VWA8: variants seen among roughly 807,000 people sequenced by gnomAD.
VWA8 encodes von Willebrand factor A domain-containing protein 8.
VWA8 carries 221 observed loss-of-function variants against 241.5 expected under a neutral mutation model. The observed-to-expected ratio is 0.91, with a 90% CI of 0.82 to 1.02. The LOEUF (loss-of-function observed/expected upper bound fraction) is 1.02. Ranked by LOEUF, VWA8 falls within the 50% of genes least tolerant of loss-of-function variation. VWA8 has a pLI of 0.00. For synonymous variants in VWA8, 852 were observed against 827.1 expected (o/e 1.03, Z -0.52); for missense variants, 2,322 against 2,328.7 (o/e 1.00, Z 0.06).
chr13:41,933,979 T>C (rs1877239621), intron 2 of VWA8, among the ~76,000 whole-genome samples: 1 of 151,816 alleles, frequency 6.6e-6, no homozygotes, highest in African/African-American at 2.4e-5. Context: ...TTGGACTTCA[T>C]TAAAATTTAA....
intron 12 of VWA8, among the ~76,000 whole-genome samples, chr13:41,840,105 T>G (rs1871928040): frequency 6.6e-6 from 1 of 152,204 alleles, no homozygotes; most frequent in Non-Finnish European, 1.5e-5. Context: ...TAAGTTGTAT[T>G]CCTAAGTATT....
At chr13:41,747,011 T>C (rs1035634258) in intron 21 of VWA8, among the ~76,000 whole-genome samples, 3 of 152,324 alleles carry the variant, frequency 2.0e-5, no homozygotes, top group Admixed American at 6.5e-5. Context: ...CCTTGTAATA[T>C]AGTTTGAAGT....
chr13:41,849,971 A>G (rs1480003977), intron 12 of VWA8, among the ~76,000 whole-genome samples: 1 of 152,150 alleles, frequency 6.6e-6, no homozygotes. Flanking sequence ...TACCAGCAGG[A>G]CTATGACTTC....
chr13:41,949,031 T>TAAAAAAAAA (rs35506856), intron 2 of VWA8, among the ~76,000 whole-genome samples: 41 of 63,404 alleles, frequency 6.5e-4, no homozygotes, highest in Non-Finnish European at 8.6e-4. Context: ...TCTACCATCA[T>TAAAAAAAAA]AAAAAAAAAA....
chr13:41,795,457 A>G (rs914247915), intron 17 of VWA8, among the ~76,000 whole-genome samples: 2 of 152,202 alleles, frequency 1.3e-5, no homozygotes, highest in Non-Finnish European at 2.9e-5. Context: ...TACATGCCCA[A>G]AGGAATATAA....
intron 26 of VWA8, among the ~76,000 whole-genome samples, chr13:41,712,883 C>T (rs767022983): frequency 2.0e-5 from 3 of 152,134 alleles, no homozygotes; most frequent in Non-Finnish European, 4.4e-5. Flanking sequence ...TTGTAAAGTG[C>T]TTAGAGCACT....
intron 21 of VWA8, among the ~76,000 whole-genome samples, chr13:41,742,613 C>T (rs552702309): frequency 2.0e-5 from 3 of 152,276 alleles, no homozygotes; most frequent in African/African-American, 7.2e-5. Context: ...ATGCAAAACC[C>T]TTTTTGTTCT....
intron 9 of VWA8, among the ~76,000 whole-genome samples, chr13:41,872,404 T>TA (rs548314938): frequency 1.1e-3 from 169 of 152,378 alleles, no homozygotes; most frequent in African/African-American, 3.8e-3. Context: ...TGAATGGTAA[T>TA]GCCTACGTTT....
chr13:41,921,200 C>T (rs997104507), intron 2 of VWA8, among the ~76,000 whole-genome samples: 2 of 152,152 alleles, frequency 1.3e-5, no homozygotes, highest in African/African-American at 4.8e-5. Context: ...ATGATTATCT[C>T]AATAGATGCA....
chr13:41,818,396 A>T (rs1593792570), intron 15 of VWA8, among the ~76,000 whole-genome samples: 1 of 146,754 alleles, frequency 6.8e-6, no homozygotes, highest in Admixed American at 6.8e-5. Context: ...ACATGGTGAA[A>T]CCCCGTCTCT....
chr13:41,729,919 T>A (rs1299179935), intron 22 of VWA8, among the ~76,000 whole-genome samples: 3 of 151,558 alleles, frequency 2.0e-5, no homozygotes, highest in Non-Finnish European at 4.4e-5. Context: ...AACTCTACAG[T>A]TATCTTTTTA....
chr13:41,956,058 A>G (rs568238475), intron 1 of VWA8, among the ~76,000 whole-genome samples: 8 of 152,360 alleles, frequency 5.3e-5, no homozygotes, highest in African/African-American at 1.7e-4. Flanking sequence ...TAGTGAGTCT[A>G]AAGTTTCTAA....
chr13:41,570,416 C>T (rs1796995292), intron 44 of VWA8, 52 bp downstream of exon 44: 2 of 1,502,936 alleles, frequency 1.3e-6, no homozygotes, highest in East Asian at 2.3e-5. Context: ...CATGTGTTAG[C>T]TACTCAGTAT....
chr13:41,675,404 C>G (rs2045053893), intron 35 of VWA8, 108 bp from the exon 36 acceptor site: 1 of 717,632 alleles, frequency 1.4e-6, no homozygotes, highest in East Asian at 2.8e-5. Context: ...ACGCTGGGAT[C>G]TACTTGACAA....
chr13:41,857,972 T>A (rs1031989584), intron 12 of VWA8, among the ~76,000 whole-genome samples: 36 of 152,162 alleles, frequency 2.4e-4, no homozygotes, highest in African/African-American at 6.0e-4. Flanking sequence ...GTATTTGCTT[T>A]CTCTATGTGT....
intron 9 of VWA8, among the ~76,000 whole-genome samples, chr13:41,871,070 C>A (rs935764538): frequency 6.6e-6 from 1 of 152,132 alleles, no homozygotes; most frequent in African/African-American, 2.4e-5. Context: ...TCTGTCTCAA[C>A]CCTGCATCCA....
At chr13:41,625,698 G>C (rs2044685460) in intron 37 of VWA8, among the ~76,000 whole-genome samples, 2 of 152,056 alleles carry the variant, frequency 1.3e-5, no homozygotes, top group Non-Finnish European at 2.9e-5. Context: ...TCTAGAACTA[G>C]AAATACCATT....
At chr13:41,654,871 G>C (rs2044892422) in intron 37 of VWA8, among the ~76,000 whole-genome samples, 1 of 152,112 alleles carries the variant, frequency 6.6e-6, no homozygotes, top group East Asian at 1.9e-4. Flanking sequence ...GAAAGATGAG[G>C]AACTGTTCAG....
intron 9 of VWA8, among the ~76,000 whole-genome samples, chr13:41,882,427 C>T (rs1028779847): frequency 6.6e-6 from 1 of 152,146 alleles, no homozygotes; most frequent in Non-Finnish European, 1.5e-5. Flanking sequence ...GCTGCAATCT[C>T]GGCACTTTGG....
Sources: allele counts gnomAD v4.1 joint callset (sites outside exome capture counted in the v4.1 genomes callset), GRCh38; gene constraint gnomAD v4.1.1; transcripts MANE v1.5; gene names NCBI Gene and HGNC (gene_info 2026-07-23, HGNC 2026-07-21).